Variants in LRRTM4 observed in about 807,000 individuals in gnomAD.
LRRTM4 encodes the protein leucine-rich repeat transmembrane neuronal protein 4.
Under a neutral mutation model 47.6 loss-of-function variants are expected in LRRTM4, and 25 were observed. That is an observed-to-expected ratio of 0.53 (90% CI 0.38 to 0.73). The LOEUF (loss-of-function observed/expected upper bound fraction) is 0.73. LRRTM4 is among the 30% of genes least tolerant of loss of function. LRRTM4 has a pLI of 0.00. For missense variants in LRRTM4, 638 were observed against 713.4 expected (o/e 0.89, Z 1.20); for synonymous variants, 311 against 269.5 (o/e 1.15, Z -1.51).
chr2:77,402,727 C>T lies in LRRTM4; in HGVS notation c.1551+115591G>A, dbSNP rs1238865186. Among the ~76,000 whole-genome samples, 20 of 151,920 alleles carry T rather than the reference C, an allele frequency of 1.3e-4. 1 individual carries two copies. Among genetic ancestry groups the T allele is most frequent in the Admixed American group, 1.3e-3 (20 of 15,212 alleles). ...ATTCACAGCTGGGCAATGACTTTAT[C>T]TCACCTTACATGACCCTGCTTGATT... On this transcript the variant is annotated intron_variant, in intron 3 of 3. Coordinates refer to ENST00000409884, the MANE Select transcript of LRRTM4 (RefSeq NM_001134745.3).
At chr2:77,222,733 A>G (rs1674676074) in intron 3 of LRRTM4, among the ~76,000 whole-genome samples, 1 of 152,130 alleles carries the variant, frequency 6.6e-6, no homozygotes, top group Non-Finnish European at 1.5e-5. Flanking sequence ...CCAACCAAAA[A>G]AATTCCAGGA....
intron 3 of LRRTM4, among the ~76,000 whole-genome samples, chr2:77,399,429 T>C (rs1673849343): frequency 6.6e-6 from 1 of 151,762 alleles, no homozygotes; most frequent in Non-Finnish European, 1.5e-5. Flanking sequence ...TAAAAACATT[T>C]AACTCATAAA....
intron 3 of LRRTM4, among the ~76,000 whole-genome samples, chr2:77,048,092 A>C (rs1030434053): frequency 1.3e-5 from 2 of 152,002 alleles, no homozygotes; most frequent in African/African-American, 4.8e-5. Context: ...TTATTTTGCT[A>C]TGTCATGAAA....
intron 3 of LRRTM4, among the ~76,000 whole-genome samples, chr2:77,453,806 T>G (rs753276106): frequency 6.6e-6 from 1 of 152,240 alleles, no homozygotes; most frequent in Non-Finnish European, 1.5e-5. Flanking sequence ...CATTCACATT[T>G]ATTTTGATAG....
At chr2:76,979,711 T>TAGATAGATAGAC (rs1466526327) in intron 3 of LRRTM4, among the ~76,000 whole-genome samples, 1 of 151,520 alleles carries the variant, frequency 6.6e-6, no homozygotes, top group African/African-American at 2.4e-5. Flanking sequence ...GATAGATAGA[T>TAGATAGATAGAC]AGATAGATAG....
At chr2:77,319,212 C>T (rs909433930) in intron 3 of LRRTM4, among the ~76,000 whole-genome samples, 1 of 152,002 alleles carries the variant, frequency 6.6e-6, no homozygotes, top group African/African-American at 2.4e-5. Context: ...ATAGTGAAAC[C>T]TTGTCTCTAC....
intron 3 of LRRTM4, among the ~76,000 whole-genome samples, chr2:77,221,609 A>T: frequency 6.6e-6 from 1 of 152,110 alleles, no homozygotes; most frequent in East Asian, 1.9e-4. Flanking sequence ...GAGACAAAGA[A>T]GGCCATTACA....
intron 3 of LRRTM4, among the ~76,000 whole-genome samples, chr2:77,189,684 G>GT (rs1405118927): frequency 3.3e-5 from 5 of 151,910 alleles, no homozygotes; most frequent in African/African-American, 1.2e-4. Context: ...AATGTGTGTT[G>GT]TTTAAGTCAC....
At chr2:77,045,594 TAGTG>T (rs369673234) in intron 3 of LRRTM4, among the ~76,000 whole-genome samples, 51 of 152,002 alleles carry the variant, frequency 3.4e-4, no homozygotes, top group Non-Finnish European at 4.7e-4. Context: ...ACTCTCCTGA[TAGTG>T]AGTAAGTCTC....
At chr2:77,364,034 C>T (rs1672341750) in intron 3 of LRRTM4, among the ~76,000 whole-genome samples, 1 of 151,746 alleles carries the variant, frequency 6.6e-6, no homozygotes, top group South Asian at 2.1e-4. Flanking sequence ...TCCCTCTCAA[C>T]ACACCTAAAT....
chr2:77,147,505 C>T (rs1672291702), intron 3 of LRRTM4, among the ~76,000 whole-genome samples: 1 of 152,102 alleles, frequency 6.6e-6, no homozygotes, highest in African/African-American at 2.4e-5. Context: ...ACGTTTCTGT[C>T]CTATTACCAA....
intron 3 of LRRTM4, among the ~76,000 whole-genome samples, chr2:77,053,557 T>A (rs1173606735): frequency 6.6e-6 from 1 of 152,162 alleles, no homozygotes; most frequent in Admixed American, 6.6e-5. Context: ...AGGCCTAAAA[T>A]GATTGCTTAC....
At chr2:77,374,591 T>A (rs10520185) in intron 3 of LRRTM4, among the ~76,000 whole-genome samples, 49,220 of 151,564 alleles carry the variant, frequency 0.32, 8,946 homozygotes, top group East Asian at 0.56. Flanking sequence ...TATTTTTGTA[T>A]GAGTGTCAAC....
At chr2:77,353,231 C>G (rs1671849398) in intron 3 of LRRTM4, among the ~76,000 whole-genome samples, 1 of 152,054 alleles carries the variant, frequency 6.6e-6, no homozygotes, top group Non-Finnish European at 1.5e-5. Flanking sequence ...TTGGATAGTT[C>G]TCAAGGCTTT....
intron 3 of LRRTM4, among the ~76,000 whole-genome samples, chr2:77,479,116 G>A (rs533893001): frequency 3.3e-5 from 5 of 152,030 alleles, no homozygotes; most frequent in East Asian, 1.9e-4. Flanking sequence ...GGCTGGTCTC[G>A]AACTCCTGAC....
chr2:77,060,730 T>G (rs1361384412), intron 3 of LRRTM4, among the ~76,000 whole-genome samples: 2 of 152,150 alleles, frequency 1.3e-5, no homozygotes, highest in African/African-American at 4.8e-5. Context: ...AGTTCTTACC[T>G]TGGGTAAGTG....
chr2:77,310,508 T>C (rs752612060), intron 3 of LRRTM4, among the ~76,000 whole-genome samples: 2 of 152,170 alleles, frequency 1.3e-5, no homozygotes, highest in Admixed American at 1.3e-4. Flanking sequence ...CTCATTTTAG[T>C]GCAGAGCAGG....
At chr2:76,991,892 T>C (rs1677022691) in intron 3 of LRRTM4, among the ~76,000 whole-genome samples, 1 of 151,760 alleles carries the variant, frequency 6.6e-6, no homozygotes, top group South Asian at 2.1e-4. Context: ...ATCAACAAAA[T>C]ATTAGCAACT....
intron 3 of LRRTM4, among the ~76,000 whole-genome samples, chr2:77,207,142 TTATATA>T (rs35745580): frequency 5.1e-5 from 7 of 136,832 alleles, no homozygotes; most frequent in African/African-American, 1.3e-4. Flanking sequence ...TATTTTATAT[TTATATA>T]TATATATATA....
Sources: gnomAD v4.1 joint callset for allele counts (sites outside exome capture counted in the v4.1 genomes callset) on GRCh38, gnomAD v4.1.1 for gene constraint, MANE v1.5 for transcripts, NCBI Gene and HGNC (gene_info 2026-07-23, HGNC 2026-07-21) for gene names.